Variants in CSMD3 observed in about 807,000 individuals in gnomAD.
CSMD3 encodes the protein CUB and sushi domain-containing protein 3.
Under a neutral mutation model 435.2 loss-of-function variants are expected in CSMD3, and 177 were observed. The ratio of observed to expected loss-of-function variants is 0.41; its 90% CI spans 0.36 to 0.46. The LOEUF (loss-of-function observed/expected upper bound fraction) is 0.46, where lower values mean the gene tolerates loss of function less well. Among genes scored for constraint, CSMD3 ranks in the 20% least tolerant of loss-of-function variants. The pLI is 0.34. For missense variants in CSMD3, 4,265 were observed against 4,504.6 expected (o/e 0.95, Z 1.52); for synonymous variants, 1,656 against 1,520.5 (o/e 1.09, Z -2.07).
At chr8:113,156,597 G>A (rs1564374126) in intron 4 of CSMD3, among the ~76,000 whole-genome samples, 1 of 151,674 alleles carries the variant, frequency 6.6e-6, no homozygotes, top group East Asian at 1.9e-4. Context: ...ACTCTATTCT[G>A]AAGGATGTTA....
intron 4 of CSMD3, among the ~76,000 whole-genome samples, chr8:113,132,382 G>C (rs907673153): frequency 6.6e-6 from 1 of 152,018 alleles, no homozygotes; most frequent in Non-Finnish European, 1.5e-5. Context: ...TGAGGGAGGG[G>C]CCTGGTGGGA....
At chr8:112,857,307 G>C (rs904403869) in intron 11 of CSMD3, among the ~76,000 whole-genome samples, 1 of 151,618 alleles carries the variant, frequency 6.6e-6, no homozygotes, top group African/African-American at 2.4e-5. Context: ...TGCATTTGTT[G>C]GAGAAAAAGG....
At chr8:112,680,458 C>T (rs1055157845) in intron 16 of CSMD3, among the ~76,000 whole-genome samples, 1 of 152,180 alleles carries the variant, frequency 6.6e-6, no homozygotes, top group African/African-American at 2.4e-5. Context: ...AATGAATGGG[C>T]TCCGGCAAAA....
At chr8:113,111,534 C>T (rs1353352258) in intron 4 of CSMD3, among the ~76,000 whole-genome samples, 1 of 152,024 alleles carries the variant, frequency 6.6e-6, no homozygotes, top group Admixed American at 6.6e-5. Flanking sequence ...ATTCACATTT[C>T]CCCAGTTTTG....
At chr8:113,162,750 A>G (rs1229200431) in intron 4 of CSMD3, among the ~76,000 whole-genome samples, 1 of 152,026 alleles carries the variant, frequency 6.6e-6, no homozygotes, top group East Asian at 1.9e-4. Context: ...TGCAAAGACT[A>G]AAAGGGTTGT....
intron 32 of CSMD3, among the ~76,000 whole-genome samples, chr8:112,426,266 T>C (rs564774677): frequency 6.6e-6 from 1 of 151,908 alleles, no homozygotes; most frequent in Non-Finnish European, 1.5e-5. Context: ...GGGTGAAAAC[T>C]TTTTTTTAAG....
At chr8:112,931,934 G>A (rs2083122060) in intron 9 of CSMD3, among the ~76,000 whole-genome samples, 1 of 152,108 alleles carries the variant, frequency 6.6e-6, no homozygotes, top group African/African-American at 2.4e-5. Flanking sequence ...TTACCATAAA[G>A]ACCTAAAGTA....
At chr8:112,740,640 C>T (rs889518228) in intron 13 of CSMD3, among the ~76,000 whole-genome samples, 1 of 151,856 alleles carries the variant, frequency 6.6e-6, no homozygotes, top group Admixed American at 6.6e-5. Flanking sequence ...ATCAGTAGAG[C>T]AGGCCATGTT....
chr8:112,568,154 T>C (rs1361142457), intron 24 of CSMD3, among the ~76,000 whole-genome samples: 2 of 152,172 alleles, frequency 1.3e-5, no homozygotes, highest in Non-Finnish European at 2.9e-5. Flanking sequence ...TATTCAACAG[T>C]ATAGCTGTCC....
At chr8:112,290,691 A>G (rs920323476) in intron 56 of CSMD3, among the ~76,000 whole-genome samples, 30 of 152,028 alleles carry the variant, frequency 2.0e-4, no homozygotes, top group African/African-American at 7.2e-4. Flanking sequence ...TTAGCAATTT[A>G]ATAAAACCAA....
At chr8:112,958,611 TCTTA>T (rs1404153742) in intron 7 of CSMD3, among the ~76,000 whole-genome samples, 58 of 152,326 alleles carry the variant, frequency 3.8e-4, no homozygotes, top group African/African-American at 1.3e-3. Flanking sequence ...ATTGATTGAC[TCTTA>T]CTTAAACCTC....
chr8:112,839,957 G>T (rs1166155865), intron 11 of CSMD3, among the ~76,000 whole-genome samples: 1 of 151,680 alleles, frequency 6.6e-6, no homozygotes, highest in Non-Finnish European at 1.5e-5. Flanking sequence ...GCTTCTCAAT[G>T]CATGGTCTTT....
At chr8:112,802,859 A>G (rs2078991592) in intron 12 of CSMD3, among the ~76,000 whole-genome samples, 1 of 151,886 alleles carries the variant, frequency 6.6e-6, no homozygotes, top group African/African-American at 2.4e-5. Context: ...TAAATTTAAA[A>G]TTTTAAATTT....
At chr8:112,377,721 C>T (rs919800127) in intron 38 of CSMD3, among the ~76,000 whole-genome samples, 13 of 151,892 alleles carry the variant, frequency 8.6e-5, no homozygotes, top group African/African-American at 1.5e-4. Flanking sequence ...TGATATATTA[C>T]ATTAACAGAG....
chr8:112,292,950 T>G (rs1380063015), intron 54 of CSMD3, among the ~76,000 whole-genome samples: 2 of 152,166 alleles, frequency 1.3e-5, no homozygotes, highest in Non-Finnish European at 2.9e-5. Context: ...GTGATAATTT[T>G]ATGCAAGTGG....
chr8:112,231,528 CA>C lies in CSMD3; in HGVS notation c.10828+16del. 2.0e-6 allele frequency: 3 copies of C among 1,485,420 alleles called. No homozygotes were observed. The highest frequency in any genetic ancestry group is 3.4e-4 in the Middle Eastern group (2 of 5,864). 92.0% of individuals were successfully genotyped at this position (1,485,420 alleles called of 1,614,324 possible). A position where few individuals can be genotyped will look rare whatever the true frequency, so the allele number is the denominator to read the frequency against. ...GATAATAACAGAAGTTCGTGAAAAT[CA>C]AAATGAATACATTACCCAGTCTTTG... On this transcript the variant is annotated intron_variant, in intron 69 of 70. Transcript: ENST00000297405.
chr8:112,472,724 AAAAT>A lies in CSMD3; in HGVS notation c.5279-21_5279-18del, dbSNP rs753381306. 7.2e-7 allele frequency: 1 copy of A among 1,395,664 alleles called. No homozygotes were observed. Among genetic ancestry groups the A allele is most frequent in the South Asian group, 1.2e-5 (1 of 86,782 alleles). 86.5% of individuals were successfully genotyped at this position (1,395,664 alleles called of 1,614,324 possible). A position where few individuals can be genotyped will look rare whatever the true frequency, so the allele number is the denominator to read the frequency against. On this transcript the variant is annotated intron_variant, in intron 31 of 70. Transcript: ENST00000297405. ...CACAGGGCGCTAGGAAAAAATGGCA[AAAAT>A]ATCATTTTTAGAAAAAAGTTTTAAA...
chr8:112,616,694 T>A (rs187121060), intron 22 of CSMD3, among the ~76,000 whole-genome samples: 1 of 152,210 alleles, frequency 6.6e-6, no homozygotes, highest in Non-Finnish European at 1.5e-5. Flanking sequence ...TTCCCTGAAT[T>A]CTTTGTCCCC....
At chr8:112,910,031 GAGAGACTCCCTAAGAAAAC>G (rs1242114374) in intron 10 of CSMD3, among the ~76,000 whole-genome samples, 1 of 151,680 alleles carries the variant, frequency 6.6e-6, no homozygotes, top group Non-Finnish European at 1.5e-5. Context: ...ATGAATAAGG[GAGAGACTCCCTAAGAAAAC>G]AGAGTGTCAT....
Sources: gnomAD v4.1 joint callset for allele counts (sites outside exome capture counted in the v4.1 genomes callset) on GRCh38, gnomAD v4.1.1 for gene constraint, MANE v1.5 for transcripts, NCBI Gene and HGNC (gene_info 2026-07-23, HGNC 2026-07-21) for gene names.